Variants in CDH15 observed in about 807,000 individuals in gnomAD.
The protein encoded by CDH15 is cadherin-15.
Under a neutral mutation model 69.4 loss-of-function variants are expected in CDH15, and 73 were observed. The ratio of observed to expected loss-of-function variants is 1.05; its 90% CI spans 0.87 to 1.28. The LOEUF (loss-of-function observed/expected upper bound fraction) is 1.28, where lower values mean the gene tolerates loss of function less well. CDH15 is among the 50% of genes most tolerant of loss of function. The pLI is 0.00. For missense variants in CDH15, 1,343 were observed against 1,133.6 expected, an observed-to-expected ratio of 1.18 and a Z score of -2.65; for synonymous variants, 624 against 507.7, an observed-to-expected ratio of 1.23 and a Z score of -3.08.
Position 89,183,579 on chromosome 16 carries a change from C to T in CDH15, c.389C>T (p.Ser130Phe), listed in dbSNP as rs200470177. ...LRAFALDLGG[S>F]TLEDPTDLEI... Reference sequence around the variant, plus strand: ...GCGTTTGCCCTGGACCTGGGAGGATCCACCCTGGAGGACCCCACGGACCTG... The same window carrying T: ...GCGTTTGCCCTGGACCTGGGAGGATTCACCCTGGAGGACCCCACGGACCTG... Residue 130 changes from serine to phenylalanine, a missense_variant, in exon 4 of 14, where the codon TCC becomes TTC. Coordinates refer to ENST00000289746, the MANE Select transcript of CDH15 (RefSeq NM_004933.3). 7.4e-6 allele frequency: 12 copies of T among 1,614,154 alleles called. No individual in the cohort carries two copies. The East Asian group carries it at 1.8e-4, about 24-fold the overall frequency.
intron 8 of CDH15, 53 bp from the exon 9 acceptor site, chr16:89,191,277 C>G (rs1016293652): frequency 1.2e-6 from 2 of 1,610,620 alleles, no homozygotes; most frequent in Non-Finnish European, 1.7e-6. Flanking sequence ...CTGACCACAC[C>G]TGTGGGGCCC....
rs749838702 is a variant in CDH15 at position 89,192,379 on chromosome 16, C to CG, written c.1796dup (p.Thr600HisfsTer57). On this transcript the variant is annotated frameshift_variant, in exon 11 of 14. Coordinates refer to ENST00000289746, the MANE Select transcript of CDH15 (RefSeq NM_004933.3). LOFTEE classifies it high-confidence loss of function. ...CTGCCGGGGGCCGCAGCGCTGCTGG[C>CG]GGGGGGCACAGGCCTCAGCCTGGGC... 1.3e-5 allele frequency: 20 copies of CG among 1,536,716 alleles called. No individual in the cohort carries two copies. Among genetic ancestry groups the CG allele is most frequent in the Admixed American group, 5.9e-5 (3 of 51,186 alleles).
At chr16:89,188,392 C>T (rs1255057298) in intron 7 of CDH15, 107 bp downstream of exon 7, 93 of 709,058 alleles carry the variant, frequency 1.3e-4, no homozygotes, top group Middle Eastern at 6.3e-4. Context: ...ACACAGATGC[C>T]GGCACACACA....
chr16:89,183,349 C>T, intron 3 of CDH15, 199 bp from the exon 4 acceptor site: 1 of 613,382 alleles, frequency 1.6e-6, no homozygotes, highest in Non-Finnish European at 2.9e-6. Context: ...GCCCTGTCTG[C>T]TAAGGGAAGG....
chr16:89,174,061 G>A (rs1915209871), intron 1 of CDH15, among the ~76,000 whole-genome samples: 1 of 152,234 alleles, frequency 6.6e-6, no homozygotes, highest in Non-Finnish European at 1.5e-5. Context: ...GCCAAGAAGG[G>A]AAGTGGCTCC....
chr16:89,177,840 G>A (rs988642165), intron 1 of CDH15, among the ~76,000 whole-genome samples: 1 of 152,124 alleles, frequency 6.6e-6, no homozygotes, highest in Non-Finnish European at 1.5e-5. Context: ...TAGGGTCAGG[G>A]GTCTTTCAGG....
At position 89,171,761 on chromosome 16, in the gene CDH15, G is replaced by T; in HGVS notation, c.-71G>T. 1 of 1,466,798 alleles carries T rather than the reference G, an allele frequency of 6.8e-7. No individual in the cohort carries two copies. The highest frequency in any genetic ancestry group is 9.2e-7 in the Non-Finnish European group (1 of 1,086,542). The allele number at this position is 1,466,798 out of a possible 1,614,324, so 90.9% of individuals were successfully genotyped here. On this transcript the variant is annotated 5_prime_UTR_variant, in exon 1 of 14. Transcript: ENST00000289746. The stretch of plus-strand genomic sequence containing the variant: ...GCCCTGGCCCGCCCCGCGCACTTGC[G>T]CTGTCACTCAGCCTGGACGCGCTTC...
chr16:89,176,460 G>A (rs1052387846), intron 1 of CDH15, among the ~76,000 whole-genome samples: 1 of 152,184 alleles, frequency 6.6e-6, no homozygotes, highest in Non-Finnish European at 1.5e-5. Flanking sequence ...ACCCTGCCTG[G>A]AGCGGGTGCC....
In CDH15 at chr16:89,193,837, C is replaced by T. The variant is rs770432897; in HGVS notation, c.2075C>T (p.Pro692Leu). ...CCGCCGCCACTTCGCAGAGATGCCCCGCAGGGCCGCCTGCACCCCCAGCCA... is the reference window on the plus strand; with the variant it reads ...CCGCCGCCACTTCGCAGAGATGCCCTGCAGGGCCGCCTGCACCCCCAGCCA... ...LGPPPLRRDA[P>L]QGRLHPQPPR... is the part of the protein sequence containing the mutation. Residue 692 changes from proline (P) to leucine (L), a missense_variant, in exon 13 of 14, where the codon CCG becomes CTG. By Grantham distance (98) the Pro-to-Leu change is moderately conservative. Transcript: ENST00000289746. The T allele has an allele frequency of 1.5e-5, 24 of 1,610,604 alleles. No homozygotes were observed. The Admixed American group carries it at 2.7e-4, about 18-fold the overall frequency.
Position 89,192,242 on chromosome 16 carries a change from C to G in CDH15, c.1653C>G (p.Pro551=), listed in dbSNP as rs1195088315. 1.3e-6 allele frequency: 2 copies of G among 1,529,734 alleles called. No individual in the cohort carries two copies. The highest frequency in any genetic ancestry group is 8.7e-7 in the Non-Finnish European group (1 of 1,144,862). The allele number at this position is 1,529,734 out of a possible 1,614,324, so 94.8% of individuals were successfully genotyped here. ...HARLRPRHQV[P]EGLHRLSLLL... ...GCCTGCGGCCGCGACACCAGGTCCC[C>G]GAAGGCCTGCACCGCCTCAGCCTGC... Residue 551 remains proline (P), a synonymous_variant, in exon 11 of 14, where the codon CCC becomes CCG. Coordinates refer to ENST00000289746, the MANE Select transcript of CDH15 (RefSeq NM_004933.3).
At chr16:89,193,981 C>A in intron 13 of CDH15, 68 bp downstream of exon 13, 1 of 1,525,056 alleles carries the variant, frequency 6.6e-7, no homozygotes, top group Non-Finnish European at 9.0e-7. Flanking sequence ...TGCACATGTA[C>A]ACACCTGCAC....
At chr16:89,187,669 T>C in intron 6 of CDH15, 112 bp downstream of exon 6, 1 of 1,472,902 alleles carries the variant, frequency 6.8e-7, no homozygotes, top group Non-Finnish European at 9.3e-7. Context: ...ATGGTGTGCT[T>C]TGGAGAAGGA....
intron 4 of CDH15, among the ~76,000 whole-genome samples, chr16:89,184,173 T>C (rs997978916): frequency 6.6e-6 from 1 of 152,194 alleles, no homozygotes; most frequent in African/African-American, 2.4e-5. Flanking sequence ...TACCAAGGAC[T>C]GTGGCCAGGC....
In CDH15 at chr16:89,180,254, G is replaced by C. The variant is rs760589717; in HGVS notation, c.256G>C (p.Gly86Arg). ...GSVIYSIQGP[G>R]VDEEPRGVFS... Reference sequence around the variant, plus strand: ...CGTCATCTACAGCATCCAGGGACCCGGCGTGGATGAGGAGCCCCGGGGCGT... The same window carrying C: ...CGTCATCTACAGCATCCAGGGACCCCGCGTGGATGAGGAGCCCCGGGGCGT... Residue 86 changes from glycine to arginine, a missense_variant, in exon 3 of 14, where the codon GGC becomes CGC. By Grantham distance (125) the Gly-to-Arg change is moderately radical (BLOSUM62 -2). Transcript: ENST00000289746. 6.2e-6 allele frequency: 10 copies of C among 1,609,814 alleles called. No homozygotes were observed. In the East Asian group the frequency reaches 2.0e-4, roughly 32 times the overall value.
chr16:89,172,369 G>A (rs566701294), intron 1 of CDH15, among the ~76,000 whole-genome samples: 14 of 152,264 alleles, frequency 9.2e-5, no homozygotes, highest in African/African-American at 2.6e-4. Context: ...GTGGCTGCAG[G>A]CCCTGCCCCC....
At chr16:89,184,923 T>A (rs960603803) in intron 4 of CDH15, among the ~76,000 whole-genome samples, 4 of 152,192 alleles carry the variant, frequency 2.6e-5, no homozygotes, top group African/African-American at 9.6e-5. Context: ...GCAAAAGGCT[T>A]CGACCACATA....
rs1176385093 is a variant in CDH15, at chr16:89,193,631, A to AGG, written c.1992+28_1992+29dup. ...GGTGAGGGGGCAGGTGTGGGTGGGG[A>AGG]GGGGTCCCCAAGGAACCCAGGTCGC... On this transcript the variant is annotated intron_variant, in intron 12 of 13. Coordinates refer to ENST00000289746, the MANE Select transcript of CDH15 (RefSeq NM_004933.3). 1.9e-6 allele frequency: 3 copies of AGG among 1,573,836 alleles called. No homozygotes were observed. The South Asian group carries it at 3.5e-5, about 18-fold the overall frequency.
chr16:89,180,504 C>T, intron 3 of CDH15, 149 bp downstream of exon 3: 2 of 935,728 alleles, frequency 2.1e-6, no homozygotes, highest in East Asian at 5.3e-5. Flanking sequence ...GGGGCAGGTA[C>T]AGGGGTTTGG....
chr16:89,172,273 T>C (rs528760161), intron 1 of CDH15, among the ~76,000 whole-genome samples: 2 of 152,144 alleles, frequency 1.3e-5, no homozygotes, highest in South Asian at 2.1e-4. Context: ...CAGGTTTCTA[T>C]AGGGACTCCC....
Sources: allele counts gnomAD v4.1 joint callset (sites outside exome capture counted in the v4.1 genomes callset), GRCh38; gene constraint gnomAD v4.1.1; transcripts MANE v1.5; gene names NCBI Gene and HGNC (gene_info 2026-07-23, HGNC 2026-07-21).